Variants in LMAN2 observed in about 807,000 individuals in gnomAD.
LMAN2 encodes vesicular integral-membrane protein VIP36.
Under a neutral mutation model 39.3 loss-of-function variants are expected in LMAN2, and 22 were observed. The ratio of observed to expected loss-of-function variants is 0.56; its 90% CI spans 0.40 to 0.80. The LOEUF (loss-of-function observed/expected upper bound fraction) is 0.80. Ranked by LOEUF, LMAN2 falls within the 30% of genes least tolerant of loss-of-function variation. The pLI, the probability that LMAN2 is intolerant of heterozygous loss-of-function variation, is 0.00. For missense variants in LMAN2, 494 were observed against 505.4 expected (o/e 0.98, Z 0.22); for synonymous variants, 207 against 207.8 (o/e 1.00, Z 0.03).
chr5:177,340,774 A>G lies in LMAN2; in HGVS notation c.316-2169T>C, dbSNP rs1318556731. Among the ~76,000 whole-genome samples the G allele has an allele frequency of 2.6e-5, 4 of 150,988 alleles. No individual in the cohort carries two copies. In the South Asian group the frequency reaches 6.3e-4, roughly 24 times the overall value. On this transcript the variant is annotated intron_variant, in intron 2 of 7. Transcript: ENST00000303127. ...AACAGAGTGAGACTCTTTCTCAAAA[A>G]AAATCAGACTCACTCTGTCGCCCAG...
intron 6 of LMAN2, chr5:177,336,924 C>T (rs1761482056): frequency 3.4e-6 from 2 of 587,820 alleles, no homozygotes; most frequent in African/African-American, 1.9e-5. Context: ...AGGCCATTTA[C>T]AGAAGAAAGG....
intron 3 of LMAN2, 30 bp downstream of exon 3, chr5:177,338,458 C>T: frequency 1.3e-6 from 2 of 1,595,420 alleles, no homozygotes; most frequent in Non-Finnish European, 1.7e-6. Flanking sequence ...CCCACCCCCA[C>T]AGGGCCCAGC....
At position 177,331,826 on chromosome 5, in the gene LMAN2, T is replaced by A. The variant is rs1426163038; in HGVS notation, c.*260A>T. On this transcript the variant is annotated 3_prime_UTR_variant, in exon 8 of 8. Transcript: ENST00000303127. ...AGCTGCCTGCAGGGGCCACAGCCCA[T>A]CTGTAGACACAGACCCCTGCTCCTG... 2.5e-6 allele frequency: 1 copy of A among 404,496 alleles called. No individual in the cohort carries two copies. The highest frequency in any genetic ancestry group is 4.5e-6 in the Non-Finnish European group (1 of 223,422). The allele number at this position is 404,496 out of a possible 1,614,324, so 25.1% of individuals were successfully genotyped here. A position where few individuals can be genotyped will look rare whatever the true frequency, so the allele number is the denominator to read the frequency against.
Position 177,337,465 on chromosome 5 carries a change from G to A in LMAN2, c.573C>T (p.Ser191=), listed in dbSNP as rs1346853992. 5.0e-6 allele frequency: 8 copies of A among 1,614,014 alleles called. No homozygotes were observed. The highest frequency in any genetic ancestry group is 5.9e-6 in the Non-Finnish European group (7 of 1,180,012). The change falls in exon 5 of 8, where the codon AGC becomes AGT. Residue 191 remains serine (S), a synonymous_variant. Transcript: ENST00000303127. The surrounding 1 kb of genome is among the most constrained non-coding windows in gnomAD (Gnocchi z 8.2). ...VNNGSLSYDH[S]KDGRWTELAG... ...CCAGCTCGGTCCAGCGCCCATCCTT[G>A]CTGTGGTCGTAGGACAGGGAGCCAT...
chr5:177,339,882 T>C (rs1028685223), intron 2 of LMAN2, among the ~76,000 whole-genome samples: 1 of 152,154 alleles, frequency 6.6e-6, no homozygotes, highest in East Asian at 1.9e-4. Context: ...CATGCATTCA[T>C]TGATGCCACA....
In LMAN2 at chr5:177,337,823, C is replaced by G; in HGVS notation, c.434-38G>C. The G allele has an allele frequency of 6.3e-7, 1 of 1,591,284 alleles. No homozygotes were observed. Among genetic ancestry groups the G allele is most frequent in the Non-Finnish European group, 8.6e-7 (1 of 1,162,826 alleles). On this transcript the variant is annotated intron_variant, in intron 3 of 7. Coordinates refer to ENST00000303127, the MANE Select transcript of LMAN2 (RefSeq NM_006816.3). The surrounding 1 kb of genome is among the most constrained non-coding windows in gnomAD (Gnocchi z 8.2). ...GCAGATGCTCTCAGAATGGGAGAAA[C>G]AGGAGCCGTCCCATGGGTACCTAAA...
Position 177,332,939 on chromosome 5 carries a change from C to T in LMAN2, c.911-693G>A, listed in dbSNP as rs1268632110. Among the ~76,000 whole-genome samples, 1 of 152,206 alleles carries T rather than the reference C, an allele frequency of 6.6e-6. No homozygotes were observed. Among genetic ancestry groups the T allele is most frequent in the Non-Finnish European group, 1.5e-5 (1 of 68,030 alleles). On this transcript the variant is annotated intron_variant, in intron 7 of 7. Coordinates refer to ENST00000303127, the MANE Select transcript of LMAN2 (RefSeq NM_006816.3). The surrounding 1 kb of genome is among the most constrained non-coding windows in gnomAD (Gnocchi z 6.3). Reference sequence around the variant, plus strand: ...TGACTGCGGCCCCCCCGACTCCACACTGTACAGTCTCCTCAGGCGTCCCCA... The same window carrying T: ...TGACTGCGGCCCCCCCGACTCCACATTGTACAGTCTCCTCAGGCGTCCCCA...
At chr5:177,334,507 G>T (rs1761440859) in intron 6 of LMAN2, 104 bp from the exon 7 acceptor site, 3 of 1,483,090 alleles carry the variant, frequency 2.0e-6, no homozygotes, top group Non-Finnish European at 2.7e-6. Context: ...CAGTAAACCT[G>T]CCAGGCCCCT....
intron 2 of LMAN2, among the ~76,000 whole-genome samples, chr5:177,349,850 G>A (rs1353237690): frequency 6.6e-6 from 1 of 152,172 alleles, no homozygotes. Context: ...AAATGTCTGC[G>A]TGGGTGGCAC....
rs1211503843 is a variant in LMAN2, at chr5:177,337,317, C to T, written c.675+46G>A. The stretch of plus-strand genomic sequence containing the variant: ...CTGCCCTCCTGAGCCTCTGTGGGAC[C>T]AGCACAGGGCCACCAGCTGCCACCC... On this transcript the variant is annotated intron_variant, in intron 5 of 7. Coordinates refer to ENST00000303127, the MANE Select transcript of LMAN2 (RefSeq NM_006816.3). The surrounding 1 kb of genome is among the most constrained non-coding windows in gnomAD (Gnocchi z 8.2). The T allele has an allele frequency of 6.2e-7, 1 of 1,610,934 alleles. No individual in the cohort carries two copies. The highest frequency in any genetic ancestry group is 8.5e-7 in the Non-Finnish European group (1 of 1,179,576).
chr5:177,345,404 A>G (rs1293113924), intron 2 of LMAN2, among the ~76,000 whole-genome samples: 4 of 151,662 alleles, frequency 2.6e-5, no homozygotes, highest in Non-Finnish European at 5.9e-5. Flanking sequence ...TGAAGAAAAT[A>G]GTTTCATAAA....
intron 7 of LMAN2, 32 bp downstream of exon 7, chr5:177,334,246 CGCCCAG>C (rs745482698): frequency 2.5e-6 from 4 of 1,583,836 alleles, no homozygotes; most frequent in Non-Finnish European, 3.4e-6. Flanking sequence ...TGGGTCAGGC[CGCCCAG>C]GCCCAGGCAG....
intron 2 of LMAN2, among the ~76,000 whole-genome samples, chr5:177,341,812 A>C (rs1423922661): frequency 6.6e-6 from 1 of 152,202 alleles, no homozygotes; most frequent in African/African-American, 2.4e-5. Flanking sequence ...GACAACAATA[A>C]ATGGAGTTAA....
At chr5:177,344,604 T>C (rs1761607574) in intron 2 of LMAN2, among the ~76,000 whole-genome samples, 1 of 150,954 alleles carries the variant, frequency 6.6e-6, no homozygotes, top group African/African-American at 2.4e-5. Flanking sequence ...TTTATCACAA[T>C]AGAAATATTT....
At position 177,337,332 on chromosome 5, in the gene LMAN2, A is replaced by AGAG; in HGVS notation, c.675+30_675+31insCTC. The AGAG allele has an allele frequency of 6.2e-7, 1 of 1,610,412 alleles. No individual in the cohort carries two copies. Among genetic ancestry groups the AGAG allele is most frequent in the African/African-American group, 1.3e-5 (1 of 75,036 alleles). Reference sequence around the variant, plus strand: ...TCTGTGGGACCAGCACAGGGCCACCAGCTGCCACCCCCACCGCCTAGCCTG... The same window carrying AGAG: ...TCTGTGGGACCAGCACAGGGCCACCAGAGGCTGCCACCCCCACCGCCTAGCCTG... On this transcript the variant is annotated intron_variant, in intron 5 of 7. Transcript: ENST00000303127. This position sits in a 1 kb window ranked among gnomAD's most constrained non-coding sequence, Gnocchi z 8.2.
Position 177,338,517 on chromosome 5 carries a change from A to C in LMAN2, c.404T>G (p.Leu135Trp). 6.2e-7 allele frequency: 1 copy of C among 1,614,204 alleles called. No homozygotes were observed. Among genetic ancestry groups the C allele is most frequent in the East Asian group, 2.2e-5 (1 of 44,886 alleles). The change falls in exon 3 of 8, where the codon TTG becomes TGG. Residue 135 changes from leucine to tryptophan, a missense_variant. Leu to Trp is a moderately conservative substitution (Grantham distance 61, BLOSUM62 -2). Coordinates refer to ENST00000303127, the MANE Select transcript of LMAN2 (RefSeq NM_006816.3). The stretch of plus-strand genomic sequence containing the variant: ...CACGAGGCGGTCCCGGGTGTACCAC[A>C]AGGCGATGCCGTCTCCATGGAGGTT... Reference protein sequence around the residue: ...KKNLHGDGIALWYTRDRLVPG... With the variant: ...KKNLHGDGIAWWYTRDRLVPG...
In LMAN2 at chr5:177,351,661, C is replaced by T. The variant is rs774889108; in HGVS notation, c.-14G>A. The T allele has an allele frequency of 6.4e-7, 1 of 1,563,710 alleles. No individual in the cohort carries two copies. The highest frequency in any genetic ancestry group is 2.2e-4 in the Middle Eastern group (1 of 4,480). The stretch of plus-strand genomic sequence containing the variant: ...TTCCGCCGCCATTCTCCTCTCCTCT[C>T]GGCCACTTCCGCCCTAGAACTTCCG... On this transcript the variant is annotated 5_prime_UTR_variant, in exon 1 of 8. Coordinates refer to ENST00000303127, the MANE Select transcript of LMAN2 (RefSeq NM_006816.3).
intron 6 of LMAN2, among the ~76,000 whole-genome samples, chr5:177,334,818 C>T (rs1761445369): frequency 6.6e-6 from 1 of 152,240 alleles, no homozygotes; most frequent in South Asian, 2.1e-4. Flanking sequence ...GAAAGACCAA[C>T]AGTCGCTGTG....
intron 2 of LMAN2, among the ~76,000 whole-genome samples, chr5:177,342,889 G>A (rs1396073642): frequency 1.3e-5 from 2 of 151,170 alleles, no homozygotes; most frequent in Non-Finnish European, 2.9e-5. Flanking sequence ...AGGGTGAAAA[G>A]ACAACCCACA....
Sources: gnomAD v4.1 joint callset for allele counts (sites outside exome capture counted in the v4.1 genomes callset) on GRCh38, gnomAD v4.1.1 for gene constraint, Gnocchi (gnomAD v3.1) non-coding constraint, MANE v1.5 for transcripts, NCBI Gene and HGNC (gene_info 2026-07-23, HGNC 2026-07-21) for gene names.